BOC: variants seen among roughly 807,000 people sequenced by gnomAD.
BOC encodes brother of CDO.
Under a neutral mutation model 112.0 loss-of-function variants are expected in BOC, and 76 were observed. The observed-to-expected ratio is 0.68, with a 90% CI of 0.56 to 0.82. The LOEUF (loss-of-function observed/expected upper bound fraction) is 0.82. Ranked by LOEUF, BOC falls within the 40% of genes least tolerant of loss-of-function variation. The pLI is 0.00. For missense variants in BOC, 1,309 were observed against 1,511.7 expected (o/e 0.87, Z 2.22); for synonymous variants, 580 against 599.8 (o/e 0.97, Z 0.48).
At chr3:113,262,681 C>G (rs1397508945) in intron 4 of BOC, among the ~76,000 whole-genome samples, 1 of 152,174 alleles carries the variant, frequency 6.6e-6, no homozygotes, top group Non-Finnish European at 1.5e-5. Flanking sequence ...TGTAGTTGTC[C>G]CACATCCTCA....
intron 1 of BOC, among the ~76,000 whole-genome samples, chr3:113,213,355 C>T (rs775682199): frequency 7.9e-5 from 12 of 152,214 alleles, no homozygotes; most frequent in Non-Finnish European, 8.8e-5. Context: ...GAACTCGGTA[C>T]ACATTGACCA....
chr3:113,275,416 T>A (rs1023187406), intron 9 of BOC, among the ~76,000 whole-genome samples: 1 of 151,898 alleles, frequency 6.6e-6, no homozygotes, highest in Non-Finnish European at 1.5e-5. Flanking sequence ...CAGGGCAGGG[T>A]CCCCAGGCCG....
At chr3:113,270,504 A>G (rs1274373962) in intron 5 of BOC, 1 of 310,208 alleles carries the variant, frequency 3.2e-6, no homozygotes, top group African/African-American at 2.1e-5. Context: ...GCTCCCTTTA[A>G]AGTATAAAAT....
At chr3:113,256,443 T>TGCC (rs1946234298) in intron 4 of BOC, among the ~76,000 whole-genome samples, 1 of 152,330 alleles carries the variant, frequency 6.6e-6, no homozygotes, top group South Asian at 2.1e-4. Flanking sequence ...TCACTGATGC[T>TGCC]CCTGTGGGTT....
chr3:113,278,794 A>T lies in BOC; in HGVS notation c.1816+11A>T, dbSNP rs1948906611. 1 of 1,552,054 alleles carries T rather than the reference A, an allele frequency of 6.4e-7. No individual in the cohort carries two copies. The highest frequency in any genetic ancestry group is 1.4e-5 in the African/African-American group (1 of 73,096). On this transcript the variant is annotated intron_variant, in intron 11 of 19. Transcript: ENST00000682979. The surrounding 1 kb of genome is among the most constrained non-coding windows in gnomAD (Gnocchi z 4.2). ...ACGGCCGCCTCTCCCGTAAGCCGCT[A>T]GCAGCAGGGACGGACGCGCAGTCAG...
Position 113,274,792 on chromosome 3 carries a change from G to T in BOC, c.1542+110G>T. 2.6e-6 allele frequency: 3 copies of T among 1,144,860 alleles called. No individual in the cohort carries two copies. Among genetic ancestry groups the T allele is most frequent in the South Asian group, 1.7e-5 (1 of 60,516 alleles). The allele number at this position is 1,144,860 out of a possible 1,614,324, so 70.9% of individuals were successfully genotyped here. ...CCCTTGAGCTCCTGAAGCCTGAGCC[G>T]GTAATCCCCACCACTAAACAGGCCC... On this transcript the variant is annotated intron_variant, in intron 9 of 19. Coordinates refer to ENST00000682979, the MANE Select transcript of BOC (RefSeq NM_001378074.1). This position sits in a 1 kb window ranked among gnomAD's most constrained non-coding sequence, Gnocchi z 4.8.
At chr3:113,248,803 G>A (rs1945252081) in intron 2 of BOC, among the ~76,000 whole-genome samples, 1 of 152,200 alleles carries the variant, frequency 6.6e-6, no homozygotes, top group Admixed American at 6.5e-5. Context: ...TAGGCAGAGA[G>A]GGTGACTGAT....
intron 2 of BOC, among the ~76,000 whole-genome samples, chr3:113,248,260 C>G (rs977893940): frequency 6.6e-6 from 1 of 152,240 alleles, no homozygotes; most frequent in Non-Finnish European, 1.5e-5. Context: ...AACACAGCAA[C>G]AGTCCCCTGT....
intron 4 of BOC, among the ~76,000 whole-genome samples, chr3:113,252,404 G>T (rs1440279272): frequency 1.3e-5 from 2 of 152,158 alleles, no homozygotes; most frequent in African/African-American, 4.8e-5. Context: ...CTTCCAGGAG[G>T]TTGGCGGTGC....
At chr3:113,244,448 T>G (rs1407454431) in intron 2 of BOC, among the ~76,000 whole-genome samples, 23 of 152,060 alleles carry the variant, frequency 1.5e-4, no homozygotes, top group Admixed American at 1.4e-3. Context: ...CAAACCGTTG[T>G]TTTTTTTCTC....
chr3:113,239,792 C>G (rs1944051929), intron 2 of BOC, among the ~76,000 whole-genome samples: 1 of 152,198 alleles, frequency 6.6e-6, no homozygotes, highest in Non-Finnish European at 1.5e-5. Flanking sequence ...TGCCAGAGAG[C>G]TCCAGATATC....
chr3:113,261,229 C>G (rs1456176649), intron 4 of BOC, among the ~76,000 whole-genome samples: 1 of 152,210 alleles, frequency 6.6e-6, no homozygotes, highest in Admixed American at 6.5e-5. Flanking sequence ...AGGCTGCCAG[C>G]CCTTCCAAAG....
intron 2 of BOC, among the ~76,000 whole-genome samples, chr3:113,217,172 G>A (rs1395725031): frequency 1.3e-5 from 2 of 152,184 alleles, no homozygotes; most frequent in African/African-American, 4.8e-5. Context: ...GAAACGCAGA[G>A]CACTGCCATG....
At position 113,280,595 on chromosome 3, in the gene BOC, G is replaced by T. The variant is rs1308408613; in HGVS notation, c.2243G>T (p.Gly748Val). 6.2e-7 allele frequency: 1 copy of T among 1,612,756 alleles called. No individual in the cohort carries two copies. Among genetic ancestry groups the T allele is most frequent in the East Asian group, 2.2e-5 (1 of 44,866 alleles). ...AGTAACAACAACACCCCAATCCATG[G>T]CTTTTATATCTATTATCGACCCACA... The part of the protein sequence containing the change: ...PASNNNTPIH[G>V]FYIYYRPTDS... Residue 748 changes from glycine (G) to valine (V), a missense_variant, in exon 14 of 20, where the codon GGC becomes GTC. Gly to Val is a moderately radical substitution (Grantham distance 109). Transcript: ENST00000682979.
intron 9 of BOC, among the ~76,000 whole-genome samples, chr3:113,275,068 A>G (rs536991855): frequency 6.6e-6 from 1 of 152,270 alleles, no homozygotes; most frequent in East Asian, 1.9e-4. Context: ...TTGGTTTTTT[A>G]TGAAAGTAAG....
chr3:113,239,710 G>T (rs1052723256), intron 2 of BOC, among the ~76,000 whole-genome samples: 1 of 152,218 alleles, frequency 6.6e-6, no homozygotes, highest in African/African-American at 2.4e-5. Context: ...ACTGACCAAT[G>T]TGCTCTTTGC....
At position 113,283,478 on chromosome 3, in the gene BOC, T is replaced by C. The variant is rs757985552; in HGVS notation, c.2502T>C (p.Leu834=). 6.2e-7 allele frequency: 1 copy of C among 1,614,034 alleles called. No individual in the cohort carries two copies. Among genetic ancestry groups the C allele is most frequent in the South Asian group, 1.1e-5 (1 of 91,066 alleles). ...PPTLAPPQPP[L]PETIERPVGT... is the part of the protein sequence containing the mutation. ...CTCTGGCCCCACCACAGCCGCCCCT[T>C]CCTGAAACCATAGAGCGGCCGGTGG... The change falls in exon 16 of 20, where the codon CTT becomes CTC. Residue 834 remains leucine, a synonymous_variant. Coordinates refer to ENST00000682979, the MANE Select transcript of BOC (RefSeq NM_001378074.1).
At chr3:113,279,716 G>T in intron 12 of BOC, 108 bp from the exon 13 acceptor site, 1 of 1,249,638 alleles carries the variant, frequency 8.0e-7, no homozygotes, top group Non-Finnish European at 1.1e-6. Context: ...ACTTGCTTTG[G>T]GGAAGGGCTG....
chr3:113,214,994 C>T (rs1453238986), intron 1 of BOC, among the ~76,000 whole-genome samples: 1 of 152,196 alleles, frequency 6.6e-6, no homozygotes, highest in Admixed American at 6.5e-5. Context: ...ATACTTTTGA[C>T]ATAGTTGTGA....
Sources: allele counts gnomAD v4.1 joint callset (sites outside exome capture counted in the v4.1 genomes callset), GRCh38; gene constraint gnomAD v4.1.1; non-coding constraint Gnocchi (gnomAD v3.1); transcripts MANE v1.5; gene names NCBI Gene and HGNC (gene_info 2026-07-23, HGNC 2026-07-21).